Variants in ARFGEF3 observed in about 807,000 individuals in gnomAD.
ARFGEF3 encodes the protein ARFGEF family member 3, also known as brefeldin A-inhibited guanine nucleotide-exchange protein 3.
A neutral mutation model predicts 221.7 loss-of-function variants in ARFGEF3; 96 were observed. The observed-to-expected ratio is 0.43, with a 90% confidence interval of 0.37 to 0.51. The LOEUF (loss-of-function observed/expected upper bound fraction) is 0.51. Ranked by LOEUF, ARFGEF3 falls within the 20% of genes least tolerant of loss-of-function variation. The pLI, the probability that ARFGEF3 is intolerant of heterozygous loss-of-function variation, is 0.00. For synonymous variants in ARFGEF3, 1,145 were observed against 1,126.8 expected (o/e 1.02, Z -0.32); for missense variants, 2,410 against 2,789.9 (o/e 0.86, Z 3.07).
intron 12 of ARFGEF3, among the ~76,000 whole-genome samples, chr6:138,264,212 A>G (rs142921527): frequency 1.2e-3 from 188 of 152,320 alleles, no homozygotes; most frequent in African/African-American, 4.3e-3. Flanking sequence ...ACATCAGAAA[A>G]TAATGCTGGT....
intron 31 of ARFGEF3, among the ~76,000 whole-genome samples, chr6:138,325,842 TTTGTTGTTG>T (rs771270994): frequency 4.5e-4 from 68 of 152,016 alleles, no homozygotes; most frequent in Non-Finnish European, 7.6e-4. Flanking sequence ...TTCTGTTGTT[TTTGTTGTTG>T]TTGTTGTTTG....
At chr6:138,236,824 A>G (rs765742463) in intron 5 of ARFGEF3, among the ~76,000 whole-genome samples, 3 of 152,186 alleles carry the variant, frequency 2.0e-5, no homozygotes, top group Non-Finnish European at 4.4e-5. Flanking sequence ...CAAATCCACT[A>G]TATCCATGGT....
intron 22 of ARFGEF3, among the ~76,000 whole-genome samples, chr6:138,306,836 A>G (rs764776476): frequency 2.0e-5 from 3 of 152,068 alleles, no homozygotes; most frequent in African/African-American, 7.2e-5. Context: ...AATGGACTTC[A>G]CCAAAATTAA....
At chr6:138,251,031 T>C (rs1251005746) in intron 8 of ARFGEF3, among the ~76,000 whole-genome samples, 2 of 152,164 alleles carry the variant, frequency 1.3e-5, no homozygotes, top group African/African-American at 4.8e-5. Context: ...ATGGTGTGAC[T>C]CATGCATGGG....
chr6:138,336,364 C>T lies in ARFGEF3; in HGVS notation c.6412C>T (p.Leu2138Phe), dbSNP rs1269965433. Residue 2138 changes from leucine (L) to phenylalanine (F), a missense_variant, in exon 34 of 34, where the codon CTC becomes TTC. Coordinates refer to ENST00000251691, the MANE Select transcript of ARFGEF3 (RefSeq NM_020340.5). ...QILPDQTFTA[L>F]QPAVFPCISQ... is the part of the protein sequence containing the mutation. ...TCTCCCAGACCAGACCTTCACGGCC[C>T]TCCAGCCCGCAGTGTTCCCGTGCAT... 6.2e-7 allele frequency: 1 copy of T among 1,611,916 alleles called. No homozygotes were observed. Among genetic ancestry groups the T allele is most frequent in the African/African-American group, 1.3e-5 (1 of 74,840 alleles).
intron 1 of ARFGEF3, among the ~76,000 whole-genome samples, chr6:138,169,537 A>G (rs1336181761): frequency 1.3e-5 from 2 of 152,138 alleles, no homozygotes; most frequent in African/African-American, 4.8e-5. Context: ...GCATCGGCTC[A>G]TCCTGGGTGC....
In ARFGEF3 at chr6:138,263,551, C is replaced by T. The variant is rs1308075396; in HGVS notation, c.2068C>T (p.Leu690Phe). Reference protein sequence around the residue: ...LEGLLPRLLSLSNVEEVDTAL... With the variant: ...LEGLLPRLLSFSNVEEVDTAL... ...AGGCCTCCTCCCTCGGCTCCTGTCT[C>T]TCTCCAATGTAGAGGAGGTGGACAC... Residue 690 changes from leucine to phenylalanine, a missense_variant, in exon 12 of 34, where the codon CTC becomes TTC. By Grantham distance (22) the Leu-to-Phe change is conservative. This residue lies in a region of ARFGEF3 where 594 missense variants were observed against 734.3 expected (regional missense o/e 0.81). Transcript: ENST00000251691. 2 of 1,612,820 alleles carry T rather than the reference C, an allele frequency of 1.2e-6. No individual in the cohort carries two copies. The highest frequency in any genetic ancestry group is 1.7e-5 in the Admixed American group (1 of 60,006).
At chr6:138,332,362 C>CT (rs1450332279) in intron 32 of ARFGEF3, among the ~76,000 whole-genome samples, 1 of 122,530 alleles carries the variant, frequency 8.2e-6, no homozygotes, top group East Asian at 2.2e-4. Flanking sequence ...TGGAGACTTA[C>CT]TGAATGCTAC....
chr6:138,182,509 C>T (rs181884332), intron 2 of ARFGEF3, among the ~76,000 whole-genome samples: 44 of 152,248 alleles, frequency 2.9e-4, no homozygotes, highest in African/African-American at 1.1e-3. Context: ...AGACAGTTGT[C>T]CTATATTCAG....
chr6:138,322,777 AGAGC>A (rs1291402876), intron 29 of ARFGEF3, among the ~76,000 whole-genome samples: 1 of 150,414 alleles, frequency 6.6e-6, no homozygotes, highest in Non-Finnish European at 1.5e-5. Context: ...CCTGGGCAAC[AGAGC>A]AAGATTCAGT....
rs1206143842 is a variant in ARFGEF3 at position 138,298,693 on chromosome 6, G to A, written c.3736G>A (p.Glu1246Lys). Residue 1246 changes from glutamate (E) to lysine (K), a missense_variant, in exon 22 of 34, where the codon GAG becomes AAG. Glu to Lys is a moderately conservative substitution (Grantham distance 56, BLOSUM62 1). This residue lies in a region of ARFGEF3 where 723 missense variants were observed against 991.9 expected (regional missense o/e 0.73). Coordinates refer to ENST00000251691, the MANE Select transcript of ARFGEF3 (RefSeq NM_020340.5). ...GACAGAAGTCCTCACTGACTGGAAT[G>A]AGCCACCTCATTTTCACTTCAATGA... is the stretch of plus-strand genomic sequence containing the variant. Reference protein sequence around the residue: ...ILTEVLTDWNEPPHFHFNEAL... With the variant: ...ILTEVLTDWNKPPHFHFNEAL... 1.2e-6 allele frequency: 2 copies of A among 1,613,636 alleles called. No individual in the cohort carries two copies. Among genetic ancestry groups the A allele is most frequent in the Non-Finnish European group, 1.7e-6 (2 of 1,179,734 alleles).
At chr6:138,213,642 G>A (rs939901800) in intron 4 of ARFGEF3, among the ~76,000 whole-genome samples, 1 of 151,650 alleles carries the variant, frequency 6.6e-6, no homozygotes, top group Non-Finnish European at 1.5e-5. Flanking sequence ...TTGATCTCAC[G>A]GAAGTAGAGA....
intron 27 of ARFGEF3, among the ~76,000 whole-genome samples, chr6:138,318,641 A>G (rs1016047840): frequency 6.6e-6 from 1 of 152,238 alleles, no homozygotes; most frequent in Non-Finnish European, 1.5e-5. Flanking sequence ...CAAAAGTCCT[A>G]AAAGGAAATA....
At chr6:138,242,649 G>A (rs963689502) in intron 6 of ARFGEF3, among the ~76,000 whole-genome samples, 4 of 152,156 alleles carry the variant, frequency 2.6e-5, no homozygotes, top group East Asian at 1.9e-4. Context: ...GGAATCCTGC[G>A]AGTTTAAGTG....
rs773697955 is a variant in ARFGEF3 at position 138,334,806 on chromosome 6, T to A, written c.5960T>A (p.Leu1987Gln). 18 of 1,603,920 alleles carry A rather than the reference T, an allele frequency of 1.1e-5. No homozygotes were observed. The Admixed American group carries it at 2.7e-4, about 24-fold the overall frequency. The change falls in exon 33 of 34, where the codon CTG (leucine) becomes CAG (glutamine). Residue 1987 changes from leucine to glutamine, a missense_variant. Transcript: ENST00000251691. This position sits in a 1 kb window ranked among gnomAD's most constrained non-coding sequence, Gnocchi z 5.1. ...CTGAAGGCCGGTGGTGGGGACCTGCTGCTGCCCCCCAGCCCCAAAGTGGAG... is the reference window on the plus strand; with the variant it reads ...CTGAAGGCCGGTGGTGGGGACCTGCAGCTGCCCCCCAGCCCCAAAGTGGAG... ...LSLKAGGGDLLLPPSPKVEKK... is the reference protein window; with the variant it reads ...LSLKAGGGDLQLPPSPKVEKK...
At chr6:138,194,953 T>C (rs1354391778) in intron 2 of ARFGEF3, among the ~76,000 whole-genome samples, 6 of 150,968 alleles carry the variant, frequency 4.0e-5, no homozygotes, top group Non-Finnish European at 8.8e-5. Flanking sequence ...CATGTGCATG[T>C]ACTTGTAGGC....
At chr6:138,198,252 TA>T (rs1163568239) in intron 2 of ARFGEF3, among the ~76,000 whole-genome samples, 1 of 152,208 alleles carries the variant, frequency 6.6e-6, no homozygotes, top group Non-Finnish European at 1.5e-5. Flanking sequence ...ATAGGCTTGC[TA>T]AAAAACCTTG....
In ARFGEF3 at chr6:138,255,667, G is replaced by A; in HGVS notation, c.1002G>A (p.Gly334=). The A allele has an allele frequency of 6.2e-7, 1 of 1,613,708 alleles. No homozygotes were observed. Among genetic ancestry groups the A allele is most frequent in the South Asian group, 1.1e-5 (1 of 90,994 alleles). ...CAGCCGAGCTGGTCCGGCTGGTGGG[G>A]TCTGTGGACTCCATGAAGCCCGTGC... The part of the protein sequence containing the change: ...YIAAELVRLV[G]SVDSMKPVLQ... The change falls in exon 10 of 34, where the codon GGG becomes GGA. Residue 334 remains glycine (G), a synonymous_variant. Coordinates refer to ENST00000251691, the MANE Select transcript of ARFGEF3 (RefSeq NM_020340.5).
intron 2 of ARFGEF3, among the ~76,000 whole-genome samples, chr6:138,200,145 T>C (rs1445975740): frequency 2.0e-5 from 3 of 152,222 alleles, no homozygotes; most frequent in Admixed American, 6.5e-5. Flanking sequence ...ATGTGATTTT[T>C]GTTTTTAATT....
Sources: gnomAD v4.1 joint callset for allele counts (sites outside exome capture counted in the v4.1 genomes callset) on GRCh38, gnomAD v4.1.1 for gene constraint, gnomAD v4.1.1 regional missense constraint, Gnocchi (gnomAD v3.1) non-coding constraint, MANE v1.5 for transcripts, NCBI Gene and HGNC (gene_info 2026-07-23, HGNC 2026-07-21) for gene names.